SUN1: variants seen among roughly 807,000 people sequenced by gnomAD.
SUN1 encodes the protein SUN domain-containing protein 1.
SUN1 carries 61 observed loss-of-function variants against 103.2 expected under a neutral mutation model. The observed-to-expected ratio is 0.59, with a 90% CI of 0.48 to 0.73. The LOEUF (loss-of-function observed/expected upper bound fraction) is 0.73, where lower values mean the gene tolerates loss of function less well. Ranked by LOEUF, SUN1 falls within the 30% of genes least tolerant of loss-of-function variation. The pLI is 0.00. For missense variants in SUN1, 1,052 were observed against 1,034.6 expected, an observed-to-expected ratio of 1.02 and a Z score of -0.23; for synonymous variants, 490 against 425.7, an observed-to-expected ratio of 1.15 and a Z score of -1.86.
At chr7:868,230 G>T (rs1838660598) in intron 16 of SUN1, among the ~76,000 whole-genome samples, 1 of 152,268 alleles carries the variant, frequency 6.6e-6, no homozygotes, top group South Asian at 2.1e-4. Flanking sequence ...ACAGCAACGT[G>T]GCTGCCTGGG....
At chr7:818,071 C>G (rs2128115273) in intron 1 of SUN1, among the ~76,000 whole-genome samples, 1 of 152,140 alleles carries the variant, frequency 6.6e-6, no homozygotes, top group Middle Eastern at 3.4e-3. Flanking sequence ...CTCTCATTCA[C>G]CTGCTTTTTG....
At chr7:865,199 A>G (rs1280019712) in intron 15 of SUN1, among the ~76,000 whole-genome samples, 2 of 151,402 alleles carry the variant, frequency 1.3e-5, no homozygotes, top group South Asian at 2.1e-4. Context: ...TCGGCTCACT[A>G]CCGGTTCAAG....
chr7:842,871 C>T, intron 3 of SUN1: 1 of 468,990 alleles, frequency 2.1e-6, no homozygotes, highest in South Asian at 2.6e-5. Context: ...AACAGAGAGG[C>T]ATCTGCTGCT....
upstream of SUN1, among the ~76,000 whole-genome samples, chr7:828,702 A>G (rs1795176744): frequency 6.6e-6 from 1 of 152,202 alleles, no homozygotes; most frequent in Non-Finnish European, 1.5e-5. Context: ...AACACAAGAT[A>G]AAAGGGAGAG....
At chr7:862,768 CT>C (rs1447438801) in intron 15 of SUN1, among the ~76,000 whole-genome samples, 2 of 152,182 alleles carry the variant, frequency 1.3e-5, no homozygotes, top group Non-Finnish European at 2.9e-5. Flanking sequence ...TTGATTGACA[CT>C]TTGTGAGTTA....
upstream of SUN1, chr7:816,004 G>A (rs1780273336): frequency 5.0e-6 from 1 of 200,182 alleles, no homozygotes; most frequent in South Asian, 5.1e-5. Context: ...ACGCCCTCCT[G>A]GAGATTCAGA....
Position 869,778 on chromosome 7 carries a change from G to C in SUN1, c.2148+262G>C, listed in dbSNP as rs559317856. ...AAGAATTTTGCTCCTCACCGCCCTT[G>C]CCAAGTTGCCTGTGAAAGGTGTTCT... On this transcript the variant is annotated intron_variant, in intron 17 of 18. Transcript: ENST00000401592. Among the ~76,000 whole-genome samples, 83 of 152,294 alleles carry C rather than the reference G, an allele frequency of 5.4e-4. 2 individuals carry two copies. In the South Asian group the frequency reaches 0.015, roughly 28 times the overall value.
chr7:838,183 G>T (rs1171656911), intron 1 of SUN1, among the ~76,000 whole-genome samples: 1 of 152,200 alleles, frequency 6.6e-6, no homozygotes, highest in Non-Finnish European at 1.5e-5. Context: ...CTCCCTAAGT[G>T]CTGGGATTGC....
At chr7:836,173 A>G (rs1802934276) in intron 1 of SUN1, among the ~76,000 whole-genome samples, 1 of 152,132 alleles carries the variant, frequency 6.6e-6, no homozygotes, top group African/African-American at 2.4e-5. Context: ...GTGTGTCTAG[A>G]TGCTGGTGGT....
At chr7:831,977 A>C (rs77661509), upstream of SUN1, 3 of 933,296 alleles carry the variant, frequency 3.2e-6, no homozygotes, top group South Asian at 1.5e-4. Context: ...TGAGGAAAAA[A>C]GTGTAAATAG....
intron 5 of SUN1, chr7:849,656 C>G (rs775158954): frequency 2.0e-6 from 3 of 1,516,314 alleles, no homozygotes; most frequent in Non-Finnish European, 2.7e-6. Context: ...TGGTCCCACA[C>G]GCTGTCATGT....
At chr7:836,236 CAG>C (rs773592686) in intron 1 of SUN1, among the ~76,000 whole-genome samples, 2 of 152,076 alleles carry the variant, frequency 1.3e-5, no homozygotes, top group Non-Finnish European at 2.9e-5. Context: ...GGGCCTCCTG[CAG>C]AGAGAGAGGA....
In SUN1 at chr7:860,299, G is replaced by A. The variant is rs910379771; in HGVS notation, c.1696G>A (p.Val566Ile). Residue 566 changes from valine to isoleucine, a missense_variant, in exon 14 of 19, where the codon GTT becomes ATT. This residue lies in a region of SUN1 where 846 missense variants were observed against 774.5 expected (regional missense o/e 1.09). Transcript: ENST00000401592. The stretch of plus-strand genomic sequence containing the variant: ...GATCCTGCGGAACGTCACCCACCAC[G>A]TTTCCGTGACCAAGCAGCTCCCAAC... ...LQILRNVTHH[V>I]SVTKQLPTSE... The A allele has an allele frequency of 7.4e-6, 12 of 1,614,138 alleles. No homozygotes were observed. Among genetic ancestry groups the A allele is most frequent in the Non-Finnish European group, 9.3e-6 (11 of 1,180,060 alleles).
In SUN1 at chr7:856,394, AC is replaced by A. The variant is rs761173488; in HGVS notation, c.1388del (p.Thr463LysfsTer23). The A allele has an allele frequency of 6.2e-7, 1 of 1,614,106 alleles. No individual in the cohort carries two copies. The highest frequency in any genetic ancestry group is 8.5e-7 in the Non-Finnish European group (1 of 1,179,986). ...QKELEQTKQK[T>X]ISAVGEQLLP... ...GGAACTAGAACAGACCAAGCAAAAA[AC>A]AATCAGGTAGGAGGATTTGGAAAAC... On this transcript the variant is annotated frameshift_variant, in exon 12 of 19. Transcript: ENST00000401592. LOFTEE classifies it high-confidence loss of function.
At chr7:835,896 T>G (rs1802606616) in intron 1 of SUN1, among the ~76,000 whole-genome samples, 2 of 152,184 alleles carry the variant, frequency 1.3e-5, no homozygotes, top group Non-Finnish European at 2.9e-5. Context: ...CCATCCAGCC[T>G]CTCATGGGGG....
In SUN1 at chr7:853,542, G is replaced by A. The variant is rs368932237; in HGVS notation, c.1187G>A (p.Arg396Gln). The change falls in exon 10 of 19, where the codon CGG (arginine) becomes CAG (glutamine). Residue 396 changes from arginine to glutamine, a missense_variant. This residue lies in a region of SUN1 where 846 missense variants were observed against 774.5 expected (regional missense o/e 1.09). Coordinates refer to ENST00000401592, the MANE Select transcript of SUN1 (RefSeq NM_001130965.3). ...ACTTTGCTACAGAAGCTGCAGGCTC[G>A]GGTGGACCAGATGGAAGGCGGCGCT... is the stretch of plus-strand genomic sequence containing the variant. ...LTTLLQKLQA[R>Q]VDQMEGGAAG... 2.7e-5 allele frequency: 43 copies of A among 1,613,130 alleles called. No homozygotes were observed. Among genetic ancestry groups the A allele is most frequent in the Middle Eastern group, 1.7e-4 (1 of 6,060 alleles).
intron 17 of SUN1, among the ~76,000 whole-genome samples, chr7:871,414 A>T (rs1301849515): frequency 6.6e-6 from 1 of 151,854 alleles, no homozygotes; most frequent in Non-Finnish European, 1.5e-5. Flanking sequence ...TTTGAGACCG[A>T]GTCTCGCTCT....
At chr7:839,815 A>ATG in intron 2 of SUN1, among the ~76,000 whole-genome samples, 1 of 151,490 alleles carries the variant, frequency 6.6e-6, no homozygotes, top group Non-Finnish European at 1.5e-5. Context: ...CAGCCTCCCA[A>ATG]AGTGCTGCGA....
upstream of SUN1, chr7:831,861 A>G (rs1798306335): frequency 5.2e-6 from 1 of 191,906 alleles, no homozygotes; most frequent in African/African-American, 2.4e-5. Flanking sequence ...GCATGTGAGT[A>G]TTTTTAGCCA....
Sources: gnomAD v4.1 joint callset for allele counts (sites outside exome capture counted in the v4.1 genomes callset) on GRCh38, gnomAD v4.1.1 for gene constraint, gnomAD v4.1.1 regional missense constraint, MANE v1.5 for transcripts, NCBI Gene and HGNC (gene_info 2026-07-23, HGNC 2026-07-21) for gene names.